ILRUN: variants seen among roughly 807,000 people sequenced by gnomAD.
ILRUN encodes the protein protein ILRUN.
A neutral mutation model predicts 33.8 loss-of-function variants in ILRUN; 3 were observed. The observed-to-expected ratio is 0.09, with a 90% CI of 0.04 to 0.23. ILRUN has a LOEUF of 0.23. Among genes scored for constraint, ILRUN ranks in the 10% least tolerant of loss-of-function variants. The pLI, the probability that ILRUN is intolerant of heterozygous loss-of-function variation, is 1.00. For missense variants in ILRUN, 210 were observed against 375.1 expected (o/e 0.56, Z 3.64); for synonymous variants, 124 against 138.9 (o/e 0.89, Z 0.75).
intron 1 of ILRUN, among the ~76,000 whole-genome samples, chr6:34,678,648 C>T (rs1763289597): frequency 1.3e-5 from 2 of 151,308 alleles, no homozygotes; most frequent in Non-Finnish European, 2.9e-5. Context: ...GAGATAGAGA[C>T]CATCCTGGCT....
intron 3 of ILRUN, chr6:34,617,338 T>C: frequency 3.1e-6 from 1 of 322,618 alleles, no homozygotes; most frequent in Non-Finnish European, 6.0e-6. Context: ...AAAGTCAGTA[T>C]TATGAGCAGG....
intron 1 of ILRUN, 45 bp from the exon 2 acceptor site, chr6:34,654,824 T>C: frequency 6.5e-7 from 1 of 1,536,720 alleles, no homozygotes; most frequent in South Asian, 1.2e-5. Flanking sequence ...ACTGTCCAGA[T>C]ATTATCCTAA....
At chr6:34,671,100 G>GA (rs1763109097) in intron 1 of ILRUN, among the ~76,000 whole-genome samples, 2 of 152,026 alleles carry the variant, frequency 1.3e-5, no homozygotes, top group African/African-American at 4.8e-5. Context: ...ATTCAATATA[G>GA]AAAAATTTAT....
At chr6:34,610,019 G>A (rs1029302939) in intron 3 of ILRUN, among the ~76,000 whole-genome samples, 1 of 151,960 alleles carries the variant, frequency 6.6e-6, no homozygotes, top group Non-Finnish European at 1.5e-5. Context: ...AAATTAGCCA[G>A]GCATGGTGGC....
intron 2 of ILRUN, among the ~76,000 whole-genome samples, chr6:34,652,665 CTCATA>C (rs940402273): frequency 6.6e-6 from 1 of 152,098 alleles, no homozygotes; most frequent in African/African-American, 2.4e-5. Flanking sequence ...TTTAAATCAT[CTCATA>C]TAAAATTAAC....
chr6:34,634,225 G>A (rs1762308361), intron 3 of ILRUN, among the ~76,000 whole-genome samples: 1 of 152,046 alleles, frequency 6.6e-6, no homozygotes, highest in African/African-American at 2.4e-5. Flanking sequence ...GAAGTCTCAA[G>A]GGAAATTAGA....
chr6:34,610,518 A>G (rs1761727076), intron 3 of ILRUN, among the ~76,000 whole-genome samples: 1 of 152,242 alleles, frequency 6.6e-6, no homozygotes, highest in Non-Finnish European at 1.5e-5. Flanking sequence ...TCCTAATTTG[A>G]AAATCCAAAA....
At chr6:34,614,671 A>G (rs1273524342) in intron 3 of ILRUN, among the ~76,000 whole-genome samples, 1 of 151,634 alleles carries the variant, frequency 6.6e-6, no homozygotes, top group Non-Finnish European at 1.5e-5. Context: ...AGAGTGGGCT[A>G]GCCTTGTGAT....
intron 3 of ILRUN, among the ~76,000 whole-genome samples, chr6:34,627,963 G>A (rs998156839): frequency 3.2e-4 from 48 of 151,174 alleles, no homozygotes; most frequent in Middle Eastern, 3.5e-3. Context: ...CTCAGTCCCC[G>A]AAGTACTGGG....
chr6:34,665,745 G>GA (rs1259897123), intron 1 of ILRUN, among the ~76,000 whole-genome samples: 4 of 151,764 alleles, frequency 2.6e-5, no homozygotes, highest in Non-Finnish European at 5.9e-5. Context: ...TATTAAAAAG[G>GA]AAAAAAATGC....
intron 3 of ILRUN, among the ~76,000 whole-genome samples, chr6:34,614,443 A>AAAAAAATATATAT (rs71000073): frequency 6.0e-5 from 8 of 133,582 alleles, no homozygotes; most frequent in Non-Finnish European, 9.2e-5. Flanking sequence ...AAAAAAAAAA[A>AAAAAAATATATAT]ATATATATAT....
intron 1 of ILRUN, among the ~76,000 whole-genome samples, chr6:34,674,609 T>A (rs1763188310): frequency 1.3e-5 from 2 of 151,630 alleles, no homozygotes; most frequent in African/African-American, 2.4e-5. Flanking sequence ...CTCTGGGGAG[T>A]CAAGGAAGGA....
intron 1 of ILRUN, among the ~76,000 whole-genome samples, chr6:34,676,590 C>T (rs779909105): frequency 8.6e-5 from 13 of 151,822 alleles, no homozygotes; most frequent in Non-Finnish European, 1.6e-4. Context: ...GCAGCCTCGA[C>T]CTCCTGGGCT....
intron 1 of ILRUN, among the ~76,000 whole-genome samples, chr6:34,694,816 G>C (rs1189935410): frequency 6.6e-6 from 1 of 152,102 alleles, no homozygotes; most frequent in Non-Finnish European, 1.5e-5. Flanking sequence ...GGGAGGCCAA[G>C]GCGGGTGGAT....
chr6:34,665,619 G>A (rs1050413720), intron 1 of ILRUN, among the ~76,000 whole-genome samples: 1 of 151,922 alleles, frequency 6.6e-6, no homozygotes, highest in African/African-American at 2.4e-5. Flanking sequence ...AATAGAGATA[G>A]GGTCTTGTTA....
chr6:34,669,811 A>G (rs1456885221), intron 1 of ILRUN, among the ~76,000 whole-genome samples: 1 of 152,210 alleles, frequency 6.6e-6, no homozygotes, highest in African/African-American at 2.4e-5. Flanking sequence ...GATATATGCT[A>G]AAGCACAAAT....
intron 1 of ILRUN, among the ~76,000 whole-genome samples, chr6:34,675,110 G>A (rs1763201538): frequency 6.6e-6 from 1 of 152,048 alleles, no homozygotes; most frequent in Non-Finnish European, 1.5e-5. Context: ...GTGAAACTCT[G>A]TCTCTACTAA....
chr6:34,612,911 T>C (rs1053659754), intron 3 of ILRUN, among the ~76,000 whole-genome samples: 10 of 152,112 alleles, frequency 6.6e-5, no homozygotes, highest in Admixed American at 5.9e-4. Flanking sequence ...GGCATGGTGG[T>C]GGGCACCTGT....
At chr6:34,657,283 C>T (rs766808730) in intron 1 of ILRUN, among the ~76,000 whole-genome samples, 2 of 152,166 alleles carry the variant, frequency 1.3e-5, no homozygotes, top group African/African-American at 2.4e-5. Context: ...ACTATTTGTG[C>T]ACTCAGGACA....
Sources: allele counts gnomAD v4.1 joint callset (sites outside exome capture counted in the v4.1 genomes callset), GRCh38; gene constraint gnomAD v4.1.1; transcripts MANE v1.5; gene names NCBI Gene and HGNC (gene_info 2026-07-23, HGNC 2026-07-21).